CRPPA: variants seen among roughly 807,000 people sequenced by gnomAD.
CRPPA encodes the protein CDP-L-ribitol pyrophosphorylase A.
Under a neutral mutation model 52.0 loss-of-function variants are expected in CRPPA, and 43 were observed. The observed-to-expected ratio is 0.83, with a 90% confidence interval of 0.65 to 1.07. CRPPA has a LOEUF of 1.07. CRPPA is among the 50% of genes least tolerant of loss of function. CRPPA has a pLI of 0.00. For missense variants in CRPPA, 629 were observed against 551.7 expected, an observed-to-expected ratio of 1.14 and a Z score of -1.40; for synonymous variants, 250 against 203.5, an observed-to-expected ratio of 1.23 and a Z score of -1.94.
At chr7:16,182,863 C>T (rs745911751) in intron 9 of CRPPA, among the ~76,000 whole-genome samples, 5 of 152,216 alleles carry the variant, frequency 3.3e-5, no homozygotes, top group African/African-American at 4.8e-5. Context: ...TCATAGAATG[C>T]GCCAATGACG....
At chr7:16,117,596 A>G (rs1031168152) in intron 9 of CRPPA, among the ~76,000 whole-genome samples, 2 of 152,054 alleles carry the variant, frequency 1.3e-5, no homozygotes, top group African/African-American at 2.4e-5. Context: ...ACCCCAGTAC[A>G]TCATCAGAAC....
intron 9 of CRPPA, among the ~76,000 whole-genome samples, chr7:16,097,282 C>T (rs1443126187): frequency 6.6e-6 from 1 of 152,078 alleles, no homozygotes; most frequent in Non-Finnish European, 1.5e-5. Context: ...CAGCATGTAA[C>T]AATTGTTCAC....
At chr7:16,284,899 A>C (rs569963994) in intron 5 of CRPPA, among the ~76,000 whole-genome samples, 1 of 152,326 alleles carries the variant, frequency 6.6e-6, no homozygotes, top group South Asian at 2.1e-4. Flanking sequence ...GAAAAAATAT[A>C]TAACTATGGG....
At chr7:16,158,636 A>G (rs1258947561) in intron 9 of CRPPA, among the ~76,000 whole-genome samples, 5 of 152,206 alleles carry the variant, frequency 3.3e-5, no homozygotes, top group Admixed American at 2.6e-4. Context: ...GTAAACTAGT[A>G]TATTATTAAT....
At chr7:16,225,011 C>A (rs1782611670) in intron 8 of CRPPA, among the ~76,000 whole-genome samples, 1 of 151,934 alleles carries the variant, frequency 6.6e-6, no homozygotes, top group Non-Finnish European at 1.5e-5. Flanking sequence ...TAAATCTTCA[C>A]AAAATAAAAT....
At chr7:16,173,005 G>A (rs1414489613) in intron 9 of CRPPA, among the ~76,000 whole-genome samples, 1 of 152,162 alleles carries the variant, frequency 6.6e-6, no homozygotes, top group African/African-American at 2.4e-5. Context: ...AATTTTAAAT[G>A]TGTAGTCAAT....
intron 6 of CRPPA, among the ~76,000 whole-genome samples, chr7:16,267,260 A>G (rs959533082): frequency 1.3e-5 from 2 of 152,240 alleles, no homozygotes; most frequent in African/African-American, 4.8e-5. Flanking sequence ...GCCCTTAAGA[A>G]GTTTATAGCC....
At chr7:16,208,069 C>G (rs1394511314) in intron 9 of CRPPA, among the ~76,000 whole-genome samples, 2 of 152,142 alleles carry the variant, frequency 1.3e-5, no homozygotes, top group African/African-American at 4.8e-5. Flanking sequence ...TTCTCAATTG[C>G]AACAACACTA....
intron 9 of CRPPA, among the ~76,000 whole-genome samples, chr7:16,182,714 C>T (rs955562599): frequency 1.3e-5 from 2 of 152,100 alleles, no homozygotes; most frequent in Non-Finnish European, 2.9e-5. Flanking sequence ...CACTTTGAGG[C>T]ACTGCTCCCC....
At position 16,091,724 on chromosome 7, in the gene CRPPA, C is replaced by A; in HGVS notation, c.1327G>T (p.Gly443Ter). ...IASLIKERNSGLIGQLLIA is the reference protein window; with the variant it reads ...IASLIKERNS ...GCTATCAGAAGCTGACCAATGAGTCCAGAATTTCTTTCCTTGATTAATGAA... is the reference window on the plus strand; with the variant it reads ...GCTATCAGAAGCTGACCAATGAGTCAAGAATTTCTTTCCTTGATTAATGAA... Residue 443 changes from glycine to a stop codon, truncating the protein, a stop_gained, in exon 10 of 10, where the codon GGA becomes TGA. Coordinates refer to ENST00000407010, the MANE Select transcript of CRPPA (RefSeq NM_001101426.4). LOFTEE classifies it high-confidence loss of function. 1 of 1,559,800 alleles carries A rather than the reference C, an allele frequency of 6.4e-7. No individual in the cohort carries two copies. Among genetic ancestry groups the A allele is most frequent in the South Asian group, 1.2e-5 (1 of 83,764 alleles).
chr7:16,165,664 T>C (rs1020777597), intron 9 of CRPPA, among the ~76,000 whole-genome samples: 10 of 152,242 alleles, frequency 6.6e-5, no homozygotes, highest in African/African-American at 2.4e-4. Flanking sequence ...CTTTTCCTTA[T>C]AAAATACTTA....
At chr7:16,378,572 T>C (rs182309000) in intron 2 of CRPPA, among the ~76,000 whole-genome samples, 8,284 of 151,964 alleles carry the variant, frequency 0.055, 416 homozygotes, top group African/African-American at 0.13. Context: ...AATAAACATA[T>C]GTGTGCATGT....
chr7:16,309,603 A>AT (rs1562623170), intron 3 of CRPPA, among the ~76,000 whole-genome samples: 1 of 151,802 alleles, frequency 6.6e-6, no homozygotes, highest in Non-Finnish European at 1.5e-5. Flanking sequence ...TGGTAGACTA[A>AT]TTTTTTTTCT....
intron 9 of CRPPA, among the ~76,000 whole-genome samples, chr7:16,125,276 A>AAC (rs1554274302): frequency 2.0e-5 from 3 of 149,116 alleles, no homozygotes; most frequent in African/African-American, 5.0e-5. Flanking sequence ...AAAAAAAAAA[A>AAC]AAAAACCAAC....
At chr7:16,307,239 T>C (rs984344303) in intron 4 of CRPPA, among the ~76,000 whole-genome samples, 1 of 152,202 alleles carries the variant, frequency 6.6e-6, no homozygotes, top group African/African-American at 2.4e-5. Context: ...AATGTACTTA[T>C]TTCTGATTTC....
At chr7:16,115,712 C>T (rs901683202) in intron 9 of CRPPA, among the ~76,000 whole-genome samples, 2 of 152,130 alleles carry the variant, frequency 1.3e-5, no homozygotes, top group African/African-American at 4.8e-5. Flanking sequence ...TAGGGACACC[C>T]TCAAAATCTG....
At position 16,416,222 on chromosome 7, in the gene CRPPA, C is replaced by T. The variant is rs1372148377; in HGVS notation, c.257+4844G>A. 2.0e-5 allele frequency among the ~76,000 whole-genome samples: 3 copies of T among 152,070 alleles called. No individual in the cohort carries two copies. In the South Asian group the frequency reaches 6.2e-4, roughly 32 times the overall value. On this transcript the variant is annotated intron_variant, in intron 1 of 9. Coordinates refer to ENST00000407010, the MANE Select transcript of CRPPA (RefSeq NM_001101426.4). ...ATAGACACAGACCAATGGAACAGAA[C>T]AGAGAACCCAGAAATAAAGTTGCCA...
intron 8 of CRPPA, among the ~76,000 whole-genome samples, chr7:16,251,814 A>G (rs150186974): frequency 0.012 from 1,841 of 152,264 alleles, 37 homozygotes; most frequent in African/African-American, 0.042. Flanking sequence ...CACAATGAAA[A>G]GAACTAGAGG....
At chr7:16,285,531 T>A (rs1382665128) in intron 5 of CRPPA, among the ~76,000 whole-genome samples, 1 of 152,162 alleles carries the variant, frequency 6.6e-6, no homozygotes, top group Non-Finnish European at 1.5e-5. Context: ...AATAACTCTT[T>A]TTTTTGTCTA....
Sources: gnomAD v4.1 joint callset for allele counts (sites outside exome capture counted in the v4.1 genomes callset) on GRCh38, gnomAD v4.1.1 for gene constraint, MANE v1.5 for transcripts, NCBI Gene and HGNC (gene_info 2026-07-23, HGNC 2026-07-21) for gene names.